NPTN: variants seen among roughly 807,000 people sequenced by gnomAD.
The protein encoded by NPTN is SDR-1.
Under a neutral mutation model 42.7 loss-of-function variants are expected in NPTN, and 5 were observed. That is an observed-to-expected ratio of 0.12 (90% CI 0.06 to 0.25). The LOEUF (loss-of-function observed/expected upper bound fraction) is 0.25, where lower values mean the gene tolerates loss of function less well. NPTN is among the 10% of genes least tolerant of loss of function. The probability of loss-of-function intolerance (pLI) is 1.00; values close to 1 mark genes in which losing one functional copy is unlikely to be tolerated. For synonymous variants in NPTN, 180 were observed against 201.9 expected (o/e 0.89, Z 0.92); for missense variants, 307 against 525.4 (o/e 0.58, Z 4.06).
At chr15:73,588,612 C>T (rs547820481) in intron 3 of NPTN, among the ~76,000 whole-genome samples, 1 of 152,298 alleles carries the variant, frequency 6.6e-6, no homozygotes, top group South Asian at 2.1e-4. Context: ...TTGTTCGCAC[C>T]TCAAAACCTC....
At chr15:73,585,016 C>T (rs1896247249) in intron 4 of NPTN, among the ~76,000 whole-genome samples, 1 of 152,204 alleles carries the variant, frequency 6.6e-6, no homozygotes, top group Non-Finnish European at 1.5e-5. Flanking sequence ...AATGCCCAGT[C>T]CCTGGCTAGG....
chr15:73,623,319 G>A (rs1406946037), intron 1 of NPTN, among the ~76,000 whole-genome samples: 2 of 152,172 alleles, frequency 1.3e-5, no homozygotes, highest in Non-Finnish European at 2.9e-5. Flanking sequence ...GGATTCCAAA[G>A]TTAATCTACC....
At chr15:73,562,539 G>A (rs1595889155) in intron 7 of NPTN, among the ~76,000 whole-genome samples, 1 of 152,130 alleles carries the variant, frequency 6.6e-6, no homozygotes, top group Non-Finnish European at 1.5e-5. Context: ...TGGCAGTGCT[G>A]GGCCCTCTGG....
intron 1 of NPTN, among the ~76,000 whole-genome samples, chr15:73,603,092 G>A (rs181149475): frequency 4.6e-5 from 7 of 152,338 alleles, no homozygotes; most frequent in African/African-American, 1.7e-4. Flanking sequence ...GTCACTAACT[G>A]TATGACTGTA....
chr15:73,564,307 G>A (rs1894853749), intron 6 of NPTN, among the ~76,000 whole-genome samples: 1 of 152,102 alleles, frequency 6.6e-6, no homozygotes, highest in Non-Finnish European at 1.5e-5. Flanking sequence ...TCCACAAGGG[G>A]GCTTGGTGCA....
At chr15:73,622,823 C>T (rs1384803553) in intron 1 of NPTN, among the ~76,000 whole-genome samples, 1 of 152,194 alleles carries the variant, frequency 6.6e-6, no homozygotes, top group Non-Finnish European at 1.5e-5. Context: ...ATACATTCTT[C>T]CAGGGTTGCC....
intron 8 of NPTN, 33 bp downstream of exon 8, chr15:73,561,863 A>T (rs1338444250): frequency 1.0e-5 from 15 of 1,473,716 alleles, no homozygotes; most frequent in Non-Finnish European, 1.2e-5. Flanking sequence ...TTTGAATATA[A>T]TTTTTAAGAC....
rs780498543 is a variant in NPTN at position 73,633,178 on chromosome 15, G to A, written c.38C>T (p.Ser13Leu). Residue 13 changes from serine (S) to leucine (L), a missense_variant, in exon 1 of 9, where the codon TCG becomes TTG. Physicochemically the swap from Ser to Leu is moderately radical, Grantham distance 145 (BLOSUM62 -2). Coordinates refer to ENST00000345330, the MANE Select transcript of NPTN (RefSeq NM_012428.4). ...GSSLPSALAL[S>L]LLLVSGSLLP... ...GAGGGAGCCAGAGACCAGCAACAGC[G>A]AGAGGGCCAGGGCGCTGGGCAGCGA... 3.3e-6 allele frequency: 5 copies of A among 1,520,854 alleles called. No individual in the cohort carries two copies. Among genetic ancestry groups the A allele is most frequent in the South Asian group, 1.2e-5 (1 of 80,354 alleles). The allele number at this position is 1,520,854 out of a possible 1,614,324, so 94.2% of individuals were successfully genotyped here.
intron 1 of NPTN, among the ~76,000 whole-genome samples, chr15:73,604,789 A>G (rs1416532408): frequency 1.3e-5 from 2 of 152,246 alleles, no homozygotes; most frequent in African/African-American, 4.8e-5. Flanking sequence ...TATAAATGTA[A>G]TAACATGTCA....
chr15:73,590,984 G>A (rs1486331043), intron 3 of NPTN, among the ~76,000 whole-genome samples: 1 of 151,932 alleles, frequency 6.6e-6, no homozygotes, highest in African/African-American at 2.4e-5. Context: ...GCAGGGAAAA[G>A]AAAAACAATT....
intron 4 of NPTN, among the ~76,000 whole-genome samples, chr15:73,585,297 C>T (rs1212605676): frequency 6.6e-6 from 1 of 152,188 alleles, no homozygotes; most frequent in Non-Finnish European, 1.5e-5. Flanking sequence ...CTCTATTACT[C>T]AGCAGATTTT....
At chr15:73,630,019 G>A (rs77549345) in intron 1 of NPTN, among the ~76,000 whole-genome samples, 2,143 of 152,162 alleles carry the variant, frequency 0.014, 27 homozygotes, top group East Asian at 0.054. Flanking sequence ...TACCATGACA[G>A]CAGCATTAAC....
At chr15:73,565,393 A>C (rs1231993080) in intron 6 of NPTN, among the ~76,000 whole-genome samples, 1 of 152,248 alleles carries the variant, frequency 6.6e-6, no homozygotes, top group Admixed American at 6.5e-5. Flanking sequence ...ACCAAAGTAA[A>C]TGAGGATTAA....
At position 73,586,648 on chromosome 15, in the gene NPTN, A is replaced by G. The variant is rs1896334021; in HGVS notation, c.706+876T>C. 2.6e-5 allele frequency among the ~76,000 whole-genome samples: 4 copies of G among 152,142 alleles called. No homozygotes were observed. The South Asian group carries it at 8.3e-4, about 32-fold the overall frequency. ...ATTATACGGGCCCTTCCTTCTCCTA[A>G]ATTTGTCCTTCTAGCTTCCAGGGAT... On this transcript the variant is annotated intron_variant, in intron 4 of 8. Coordinates refer to ENST00000345330, the MANE Select transcript of NPTN (RefSeq NM_012428.4).
chr15:73,600,611 T>C (rs12185108), intron 1 of NPTN, among the ~76,000 whole-genome samples: 82,979 of 151,998 alleles, frequency 0.55, 22,750 homozygotes, highest in African/African-American at 0.56. Flanking sequence ...ACCACAACTG[T>C]GGTCAATGTG....
chr15:73,580,431 TA>T (rs1895943663), intron 4 of NPTN, among the ~76,000 whole-genome samples: 2 of 97,276 alleles, frequency 2.1e-5, no homozygotes, highest in African/African-American at 3.7e-5. Flanking sequence ...AATATATATA[TA>T]ATATATATAA....
At chr15:73,627,010 A>C (rs1898452368) in intron 1 of NPTN, among the ~76,000 whole-genome samples, 1 of 152,182 alleles carries the variant, frequency 6.6e-6, no homozygotes, top group South Asian at 2.1e-4. Context: ...CGAGGTGGGC[A>C]GATCACCTAA....
At position 73,607,120 on chromosome 15, in the gene NPTN, C is replaced by G. The variant is rs971810656; in HGVS notation, c.92-9751G>C. ...CCTATGCTGTATTCAGAGCTGAGCC[C>G]ATCTCTCTCCCCAGTGCAGAATCTC... On this transcript the variant is annotated intron_variant, in intron 1 of 8. Coordinates refer to ENST00000345330, the MANE Select transcript of NPTN (RefSeq NM_012428.4). Among the ~76,000 whole-genome samples the G allele has an allele frequency of 2.6e-5, 4 of 152,190 alleles. No individual in the cohort carries two copies. The East Asian group carries it at 5.8e-4, about 22-fold the overall frequency.
intron 2 of NPTN, among the ~76,000 whole-genome samples, chr15:73,594,977 C>T (rs1187111193): frequency 6.6e-6 from 1 of 150,980 alleles, no homozygotes; most frequent in South Asian, 2.1e-4. Flanking sequence ...AAAGCAGCAG[C>T]AGCAGCAACA....
Sources: gnomAD v4.1 joint callset for allele counts (sites outside exome capture counted in the v4.1 genomes callset) on GRCh38, gnomAD v4.1.1 for gene constraint, MANE v1.5 for transcripts, NCBI Gene and HGNC (gene_info 2026-07-23, HGNC 2026-07-21) for gene names.